LRRIQ4: variants seen among roughly 807,000 people sequenced by gnomAD.
LRRIQ4 encodes the protein leucine rich repeats and IQ motif containing 4.
Under a neutral mutation model 40.1 loss-of-function variants are expected in LRRIQ4, and 21 were observed. The observed-to-expected ratio is 0.52, with a 90% confidence interval of 0.37 to 0.75. The LOEUF is 0.75. Among genes scored for constraint, LRRIQ4 ranks in the 30% least tolerant of loss-of-function variants. The pLI, the probability that LRRIQ4 is intolerant of heterozygous loss-of-function variation, is 0.00. For missense variants in LRRIQ4, 655 were observed against 660.0 expected (o/e 0.99, Z 0.08); for synonymous variants, 277 against 277.1 (o/e 1.00, Z 0.00).
chr3:169,830,410 T>G (rs905410682), intron 3 of LRRIQ4, 82 bp from the exon 4 acceptor site: 2 of 117,536 alleles, frequency 1.7e-5, no homozygotes, highest in Non-Finnish European at 1.4e-5. Context: ...AAAAAAAAAA[T>G]GCATGAGCAC....
intron 2 of LRRIQ4, among the ~76,000 whole-genome samples, chr3:169,825,599 G>A (rs1780024011): frequency 6.6e-6 from 1 of 152,148 alleles, no homozygotes; most frequent in African/African-American, 2.4e-5. Flanking sequence ...AAGTACATGT[G>A]GGAGGGATAA....
chr3:169,835,364 C>CTTTGTGTGTGTGTGTGTGTGTG (rs56344833), intron 5 of LRRIQ4, among the ~76,000 whole-genome samples: 37 of 146,508 alleles, frequency 2.5e-4, no homozygotes, highest in African/African-American at 7.3e-4. Flanking sequence ...TTGTCTTTTT[C>CTTTGTGTGTGTGTGTGTGTGTG]TGTGTGTGTG....
At chr3:169,814,420 C>T (rs1779716312) in intron 1 of LRRIQ4, among the ~76,000 whole-genome samples, 1 of 152,120 alleles carries the variant, frequency 6.6e-6, no homozygotes, top group South Asian at 2.1e-4. Context: ...TGTGCTCCTC[C>T]GCCGGTGTGT....
intron 4 of LRRIQ4, among the ~76,000 whole-genome samples, chr3:169,831,482 TTAG>T (rs1364458835): frequency 3.1e-5 from 3 of 95,426 alleles, no homozygotes; most frequent in Admixed American, 1.4e-4. Context: ...TTTTTTTTTT[TTAG>T]TAGAGACGGG....
intron 1 of LRRIQ4, among the ~76,000 whole-genome samples, chr3:169,813,971 C>T (rs1392061907): frequency 1.3e-5 from 2 of 152,184 alleles, no homozygotes; most frequent in African/African-American, 4.8e-5. Context: ...ATGCTTACAG[C>T]TGCTGAAGCA....
At chr3:169,832,705 CA>C (rs1780209162) in intron 4 of LRRIQ4, among the ~76,000 whole-genome samples, 1 of 150,936 alleles carries the variant, frequency 6.6e-6, no homozygotes, top group Non-Finnish European at 1.5e-5. Flanking sequence ...TGATTTTTCC[CA>C]GTGGGCTGTC....
Position 169,822,542 on chromosome 3 carries a change from C to T in LRRIQ4, c.621C>T (p.Ile207=). Residue 207 remains isoleucine, a synonymous_variant, in exon 2 of 6, where the codon ATC becomes ATT. Coordinates refer to ENST00000340806, the MANE Select transcript of LRRIQ4 (RefSeq NM_001080460.3). ...ENKIGAIPEE[I]GHLTGLQKFY... ...AAATAGGTGCCATCCCAGAAGAGAT[C>T]GGACACCTGACGGGGCTGCAGAAGT... 2 of 1,613,854 alleles carry T rather than the reference C, an allele frequency of 1.2e-6. No homozygotes were observed. Among genetic ancestry groups the T allele is most frequent in the Non-Finnish European group, 8.5e-7 (1 of 1,179,802 alleles).
chr3:169,821,298 C>T (rs375897229), intron 1 of LRRIQ4, among the ~76,000 whole-genome samples: 24 of 152,226 alleles, frequency 1.6e-4, no homozygotes, highest in African/African-American at 5.5e-4. Flanking sequence ...CTTTTGCAAC[C>T]TTCTACATCC....
At chr3:169,831,261 CTTTTTTTTTTTTT>C (rs869088396) in intron 4 of LRRIQ4, among the ~76,000 whole-genome samples, 21 of 33,462 alleles carry the variant, frequency 6.3e-4, no homozygotes, top group East Asian at 5.1e-3. Flanking sequence ...TATGGCTATT[CTTTTTTTTTTTTT>C]TTTTTTTTTT....
Position 169,828,809 on chromosome 3 carries a change from A to C in LRRIQ4, c.1071A>C (p.Thr357=). ...CAAAACTGAAGATACTTGGACTAACAGGAAATGAGTTCCTTTCCTTTCCGG... is the reference window on the plus strand; with the variant it reads ...CAAAACTGAAGATACTTGGACTAACCGGAAATGAGTTCCTTTCCTTTCCGG... ...SLSKLKILGL[T]GNEFLSFPEE... Residue 357 remains threonine (T), a synonymous_variant, in exon 3 of 6, where the codon ACA becomes ACC. Coordinates refer to ENST00000340806, the MANE Select transcript of LRRIQ4 (RefSeq NM_001080460.3). 1.2e-6 allele frequency: 2 copies of C among 1,613,784 alleles called. No individual in the cohort carries two copies. The highest frequency in any genetic ancestry group is 1.7e-6 in the Non-Finnish European group (2 of 1,179,820).
At chr3:169,819,429 G>T (rs747954793) in intron 1 of LRRIQ4, among the ~76,000 whole-genome samples, 10 of 152,154 alleles carry the variant, frequency 6.6e-5, no homozygotes, top group Non-Finnish European at 1.5e-4. Context: ...TATTTCATGT[G>T]TCTGGAAGCC....
chr3:169,823,299 G>A (rs1011400931), intron 2 of LRRIQ4, among the ~76,000 whole-genome samples: 5 of 151,298 alleles, frequency 3.3e-5, no homozygotes, highest in Non-Finnish European at 7.4e-5. Flanking sequence ...TGCTGCAGCC[G>A]CGATTCCAGC....
At chr3:169,824,009 G>T (rs574178000) in intron 2 of LRRIQ4, among the ~76,000 whole-genome samples, 42 of 152,066 alleles carry the variant, frequency 2.8e-4, no homozygotes, top group African/African-American at 1.0e-3. Flanking sequence ...CTAAGGTTCC[G>T]CATCAAACTG....
intron 1 of LRRIQ4, among the ~76,000 whole-genome samples, chr3:169,815,588 G>C (rs998991678): frequency 6.6e-6 from 1 of 152,096 alleles, no homozygotes; most frequent in African/African-American, 2.4e-5. Context: ...CTGCAAACAA[G>C]GATAATTTGG....
chr3:169,823,614 G>A (rs1417530901), intron 2 of LRRIQ4, among the ~76,000 whole-genome samples: 1 of 152,090 alleles, frequency 6.6e-6, no homozygotes, highest in African/African-American at 2.4e-5. Context: ...CCAAAGTGCT[G>A]GGATTACAAG....
chr3:169,835,317 G>A (rs970041226), intron 5 of LRRIQ4, among the ~76,000 whole-genome samples: 3 of 151,560 alleles, frequency 2.0e-5, no homozygotes, highest in African/African-American at 7.3e-5. Flanking sequence ...CCAGTCCCTA[G>A]AGTCATTCAT....
intron 2 of LRRIQ4, among the ~76,000 whole-genome samples, chr3:169,823,884 G>T (rs1316893600): frequency 6.6e-6 from 1 of 152,050 alleles, no homozygotes; most frequent in Non-Finnish European, 1.5e-5. Flanking sequence ...AGGGGAGTGG[G>T]CAAATAAACT....
At chr3:169,816,701 T>C (rs1779778235) in intron 1 of LRRIQ4, among the ~76,000 whole-genome samples, 5 of 149,948 alleles carry the variant, frequency 3.3e-5, no homozygotes. Flanking sequence ...GACAGAGTTT[T>C]GCTCTGTTGC....
Position 169,833,091 on chromosome 3 carries a change from G to A in LRRIQ4, c.1438G>A (p.Glu480Lys). 1 of 1,613,948 alleles carries A rather than the reference G, an allele frequency of 6.2e-7. No homozygotes were observed. Among genetic ancestry groups the A allele is most frequent in the South Asian group, 1.1e-5 (1 of 91,078 alleles). ...KVLTLMDNPMEEPPKEVCAEG... is the reference protein window; with the variant it reads ...KVLTLMDNPMKEPPKEVCAEG... ...TCTGACACTGATGGACAATCCCATG[G>A]AAGAACCCCCAAAAGAAGTGTGTGC... The change falls in exon 5 of 6, where the codon GAA (glutamate) becomes AAA (lysine). Residue 480 changes from glutamate to lysine, a missense_variant. Physicochemically the swap from Glu to Lys is moderately conservative, Grantham distance 56. Transcript: ENST00000340806.
Sources: gnomAD v4.1 joint callset for allele counts (sites outside exome capture counted in the v4.1 genomes callset) on GRCh38, gnomAD v4.1.1 for gene constraint, MANE v1.5 for transcripts, NCBI Gene and HGNC (gene_info 2026-07-23, HGNC 2026-07-21) for gene names.